Variants in ZC3H8 observed in about 807,000 individuals in gnomAD.
The protein encoded by ZC3H8 is zinc finger CCCH domain-containing protein 8.
Under a neutral mutation model 42.5 loss-of-function variants are expected in ZC3H8, and 27 were observed. The observed-to-expected ratio is 0.64, with a 90% CI of 0.47 to 0.88. The LOEUF is 0.88. Among genes scored for constraint, ZC3H8 ranks in the 40% least tolerant of loss-of-function variants. The pLI, the probability that ZC3H8 is intolerant of heterozygous loss-of-function variation, is 0.00. For synonymous variants in ZC3H8, 101 were observed against 110.1 expected, an observed-to-expected ratio of 0.92 and a Z score of 0.52; for missense variants, 277 against 336.1, an observed-to-expected ratio of 0.82 and a Z score of 1.37.
chr2:112,224,598 A>C (rs1487241868), intron 8 of ZC3H8, among the ~76,000 whole-genome samples: 1 of 152,270 alleles, frequency 6.6e-6, no homozygotes, highest in African/African-American at 2.4e-5. Flanking sequence ...ATGTCCATCA[A>C]CAGATGAATA....
chr2:112,242,634 C>G (rs182582435), intron 2 of ZC3H8, among the ~76,000 whole-genome samples: 3 of 152,168 alleles, frequency 2.0e-5, no homozygotes, highest in African/African-American at 2.4e-5. Context: ...TCAAGTCAGA[C>G]GGCAAATCAC....
At chr2:112,230,833 T>G in intron 8 of ZC3H8, 70 bp downstream of exon 8, 162 of 988,748 alleles carry the variant, frequency 1.6e-4, no homozygotes, top group Middle Eastern at 2.3e-4. Context: ...AGAACCCTAT[T>G]GAGGTTGCAT....
At chr2:112,235,025 TA>T (rs1306900169) in intron 4 of ZC3H8, among the ~76,000 whole-genome samples, 1 of 152,100 alleles carries the variant, frequency 6.6e-6, no homozygotes, top group Non-Finnish European at 1.5e-5. Context: ...AAGATGGTGA[TA>T]AAGGTATAAA....
chr2:112,214,950 A>T lies in ZC3H8; in HGVS notation c.*1534T>A, dbSNP rs983193438. 1 of 152,176 alleles carries T rather than the reference A, an allele frequency of 6.6e-6. No individual in the cohort carries two copies. The highest frequency in any genetic ancestry group is 1.5e-5 in the Non-Finnish European group (1 of 68,018). 9.4% of individuals were successfully genotyped at this position (152,176 alleles called of 1,614,324 possible). A position where few individuals can be genotyped will look rare whatever the true frequency, so the allele number is the denominator to read the frequency against. On this transcript the variant is annotated 3_prime_UTR_variant, in exon 9 of 9. Coordinates refer to ENST00000409573, the MANE Select transcript of ZC3H8 (RefSeq NM_032494.3). The stretch of plus-strand genomic sequence containing the variant: ...AAATAAGAGGTTTTTAACCTACTCT[A>T]TTTGACTTCTGAGTCCCTCAAATCT...
chr2:112,224,360 CAA>C (rs887660997), intron 8 of ZC3H8, among the ~76,000 whole-genome samples: 56 of 152,174 alleles, frequency 3.7e-4, no homozygotes, highest in African/African-American at 1.2e-3. Flanking sequence ...AACAAAGAAA[CAA>C]AAAGTCCAAC....
In ZC3H8 at chr2:112,255,040, A is replaced by C. The variant is rs1686076180; in HGVS notation, c.-59T>G. The C allele has an allele frequency of 6.5e-7, 1 of 1,530,834 alleles. No individual in the cohort carries two copies. The highest frequency in any genetic ancestry group is 8.8e-7 in the Non-Finnish European group (1 of 1,135,386). 94.8% of individuals were successfully genotyped at this position (1,530,834 alleles called of 1,614,324 possible). A position where few individuals can be genotyped will look rare whatever the true frequency, so the allele number is the denominator to read the frequency against. On this transcript the variant is annotated 5_prime_UTR_variant, in exon 1 of 9. Coordinates refer to ENST00000409573, the MANE Select transcript of ZC3H8 (RefSeq NM_032494.3). ...AAGCTACAGAGTAACAACCCGAGAG[A>C]GTGACAACCCGGACGCGACGAGACG...
chr2:112,254,124 G>A (rs527978353), intron 1 of ZC3H8: 2 of 985,148 alleles, frequency 2.0e-6, no homozygotes, highest in South Asian at 4.7e-5. Flanking sequence ...GATCAGTTAA[G>A]GTAAAATTTG....
chr2:112,220,940 ATCT>A (rs1219330301), intron 8 of ZC3H8, among the ~76,000 whole-genome samples: 5 of 152,190 alleles, frequency 3.3e-5, no homozygotes, highest in Non-Finnish European at 2.9e-5. Context: ...CATGAGGATG[ATCT>A]TCTTGTGTAG....
intron 8 of ZC3H8, among the ~76,000 whole-genome samples, chr2:112,224,457 G>A (rs1684729891): frequency 6.6e-6 from 1 of 152,198 alleles, no homozygotes; most frequent in African/African-American, 2.4e-5. Flanking sequence ...ATTGTATTCA[G>A]TGGGGAAAAT....
rs1202971960 is a variant in ZC3H8, at chr2:112,211,889, A to G, written c.*4595T>C. ...GGGCATCTTGTCCCTCCCTATCCAA[A>G]CATATACATTCTCCCCTCTCCTCTT... On this transcript the variant is annotated 3_prime_UTR_variant, in exon 9 of 9. Transcript: ENST00000409573. 2.0e-5 allele frequency: 3 copies of G among 152,180 alleles called. No homozygotes were observed. The highest frequency in any genetic ancestry group is 2.0e-4 in the Admixed American group (3 of 15,278). 9.4% of individuals were successfully genotyped at this position (152,180 alleles called of 1,614,324 possible).
rs1165325066 is a variant in ZC3H8, at chr2:112,230,925, C to T, written c.869G>A (p.Cys290Tyr). The change falls in exon 8 of 9, where the codon TGT becomes TAT. Residue 290 changes from cysteine (C) to tyrosine (Y), a missense_variant. Physicochemically the swap from Cys to Tyr is radical, Grantham distance 194. Transcript: ENST00000409573. ...AKVLDTEKKS[C>Y]K is the part of the protein sequence containing the mutation. ...TACCTTTTTATGTCTATTTTATTTA[C>T]ATGACTTCTTTTCAGTATCCAAAAC... 4.7e-6 allele frequency: 6 copies of T among 1,273,770 alleles called. No individual in the cohort carries two copies. The East Asian group carries it at 1.1e-4, about 24-fold the overall frequency. The allele number at this position is 1,273,770 out of a possible 1,614,324, so 78.9% of individuals were successfully genotyped here.
At chr2:112,227,388 G>T (rs1243614007) in intron 8 of ZC3H8, among the ~76,000 whole-genome samples, 1 of 152,214 alleles carries the variant, frequency 6.6e-6, no homozygotes, top group Non-Finnish European at 1.5e-5. Flanking sequence ...AGCCGGGCGT[G>T]GTGGCAGATG....
chr2:112,216,137 AG>A lies in ZC3H8; in HGVS notation c.*346del, dbSNP rs1275944085. 1 of 152,224 alleles carries A rather than the reference AG, an allele frequency of 6.6e-6. No homozygotes were observed. Among genetic ancestry groups the A allele is most frequent in the Non-Finnish European group, 1.5e-5 (1 of 68,046 alleles). The allele number at this position is 152,224 out of a possible 1,614,324, so 9.4% of individuals were successfully genotyped here. ...TCTACCTCTTTACTCACCCTCACTC[AG>A]CCTAACCTTGCTTCCGATTTTATTA... On this transcript the variant is annotated 3_prime_UTR_variant, in exon 9 of 9. Coordinates refer to ENST00000409573, the MANE Select transcript of ZC3H8 (RefSeq NM_032494.3).
intron 2 of ZC3H8, 107 bp from the exon 3 acceptor site, chr2:112,238,635 G>C (rs1685451209): frequency 1.2e-6 from 1 of 822,988 alleles, no homozygotes; most frequent in African/African-American, 1.7e-5. Flanking sequence ...GTTGAAGGTG[G>C]GTAATAGGTA....
intron 1 of ZC3H8, among the ~76,000 whole-genome samples, chr2:112,251,700 A>T (rs1218354024): frequency 6.6e-6 from 1 of 152,248 alleles, no homozygotes; most frequent in African/African-American, 2.4e-5. Context: ...AACTTGTCAC[A>T]GAGCTAATAC....
At chr2:112,232,543 C>A (rs958200410) in intron 6 of ZC3H8, among the ~76,000 whole-genome samples, 1 of 151,992 alleles carries the variant, frequency 6.6e-6, no homozygotes, top group Admixed American at 6.6e-5. Flanking sequence ...ATTTTAAATA[C>A]CTTGATAAAT....
At chr2:112,245,490 C>T (rs1685727711) in intron 2 of ZC3H8, among the ~76,000 whole-genome samples, 1 of 152,174 alleles carries the variant, frequency 6.6e-6, no homozygotes, top group Non-Finnish European at 1.5e-5. Flanking sequence ...CCCGTCTCTA[C>T]TAAAAATACA....
chr2:112,231,691 A>G (rs968015927), intron 7 of ZC3H8, 147 bp downstream of exon 7: 6 of 409,096 alleles, frequency 1.5e-5, no homozygotes, highest in Non-Finnish European at 2.1e-5. Context: ...AAAAATATTT[A>G]AACTGAATTC....
intron 8 of ZC3H8, among the ~76,000 whole-genome samples, chr2:112,220,159 T>C (rs1684521374): frequency 1.3e-5 from 2 of 152,216 alleles, no homozygotes; most frequent in African/African-American, 4.8e-5. Context: ...TCAAGGTTAG[T>C]ATTGATACAT....
Sources: allele counts gnomAD v4.1 joint callset (sites outside exome capture counted in the v4.1 genomes callset), GRCh38; gene constraint gnomAD v4.1.1; transcripts MANE v1.5; gene names NCBI Gene and HGNC (gene_info 2026-07-23, HGNC 2026-07-21).